Variants in GLP1R observed in about 807,000 individuals in gnomAD.
GLP1R encodes glucagon like peptide 1 receptor.
In GLP1R, 32 loss-of-function variants were observed where a neutral mutation model predicts 68.4. The ratio of observed to expected loss-of-function variants is 0.47; its 90% CI spans 0.35 to 0.63. The LOEUF is 0.63. GLP1R is among the 20% of genes least tolerant of loss of function. GLP1R has a pLI of 0.00. For missense variants in GLP1R, 502 were observed against 594.9 expected (o/e 0.84, Z 1.62); for synonymous variants, 263 against 244.4 (o/e 1.08, Z -0.71).
intron 12 of GLP1R, among the ~76,000 whole-genome samples, chr6:39,083,418 T>C (rs540314687): frequency 2.8e-4 from 42 of 152,318 alleles, no homozygotes; most frequent in Non-Finnish European, 1.5e-4. Context: ...GCCAGGTACT[T>C]GTGACCTGAG....
intron 7 of GLP1R, among the ~76,000 whole-genome samples, chr6:39,075,375 C>T (rs560605579): frequency 2.0e-5 from 3 of 152,236 alleles, no homozygotes; most frequent in East Asian, 3.9e-4. Context: ...GAAATAGCAT[C>T]AGCGCTGTTA....
At chr6:39,056,733 C>G (rs940413078) in intron 2 of GLP1R, among the ~76,000 whole-genome samples, 1 of 152,228 alleles carries the variant, frequency 6.6e-6, no homozygotes, top group African/African-American at 2.4e-5. Context: ...AAAATCTTCC[C>G]CAGGACTTCT....
chr6:39,073,622 T>G lies in GLP1R; in HGVS notation c.676T>G (p.Cys226Gly). ...CCTCTACCCCCAGGACTCTCTGAGC[T>G]GCCGCCTGGTGTTTCTGCTCATGCA... ...GLLSYQDSLS[C>G]RLVFLLMQYC... The change falls in exon 7 of 13, where the codon TGC becomes GGC. Residue 226 changes from cysteine to glycine, a missense_variant. Cys to Gly is a radical substitution (Grantham distance 159). Transcript: ENST00000373256. The G allele has an allele frequency of 6.2e-7, 1 of 1,613,942 alleles. No individual in the cohort carries two copies. Among genetic ancestry groups the G allele is most frequent in the Non-Finnish European group, 8.5e-7 (1 of 1,179,914 alleles).
rs202144978 is a variant in GLP1R, at chr6:39,079,096, C to T, written c.955-16C>T. On this transcript the variant is annotated splice_polypyrimidine_tract_variant and intron_variant, in intron 9 of 12. Transcript: ENST00000373256. This position sits in a 1 kb window ranked among gnomAD's most constrained non-coding sequence, Gnocchi z 4.5. ...TGGGCTGGTGCCCCCTGCCAATCCC[C>T]GGCCCCACCCCGCAGGTGAACTTCC... The T allele has an allele frequency of 1.1e-3, 1,819 of 1,612,532 alleles. 2 individuals are homozygous for T. Among genetic ancestry groups the T allele is most frequent in the Middle Eastern group, 2.1e-3 (13 of 6,058 alleles).
chr6:39,085,227 T>G (rs1562020539), intron 12 of GLP1R, among the ~76,000 whole-genome samples: 1 of 152,200 alleles, frequency 6.6e-6, no homozygotes, highest in Non-Finnish European at 1.5e-5. Flanking sequence ...GAGAGGCTTT[T>G]CCTGATGGGG....
At chr6:39,069,595 G>T (rs2150829980) in intron 5 of GLP1R, among the ~76,000 whole-genome samples, 1 of 149,594 alleles carries the variant, frequency 6.7e-6, no homozygotes, top group East Asian at 2.0e-4. Context: ...CAGAGATCGT[G>T]CCACTGCACT....
At chr6:39,064,525 G>C (rs874899) in intron 3 of GLP1R, among the ~76,000 whole-genome samples, 9,488 of 151,932 alleles carry the variant, frequency 0.062, 1,008 homozygotes, top group African/African-American at 0.22. Context: ...TCTTCCTACA[G>C]GTCAATATCC....
intron 11 of GLP1R, 131 bp from the exon 12 acceptor site, chr6:39,080,567 G>A: frequency 1.6e-6 from 1 of 611,826 alleles, no homozygotes; most frequent in South Asian, 2.2e-5. Flanking sequence ...CCCCATTCCT[G>A]GATCTGCCTG....
At position 39,078,283 on chromosome 6, in the gene GLP1R, G is replaced by A. The variant is rs765740027; in HGVS notation, c.824-39G>A. ...GGCATGTAGACTGTGGCTCTGGCCTGCCAGCCCCTCTCCCCTTCTGTCTTT... is the reference window on the plus strand; with the variant it reads ...GGCATGTAGACTGTGGCTCTGGCCTACCAGCCCCTCTCCCCTTCTGTCTTT... On this transcript the variant is annotated intron_variant, in intron 7 of 12. Coordinates refer to ENST00000373256, the MANE Select transcript of GLP1R (RefSeq NM_002062.5). 3.3e-6 allele frequency: 5 copies of A among 1,501,024 alleles called. No individual in the cohort carries two copies. The East Asian group carries it at 1.1e-4, about 34-fold the overall frequency. 93.0% of individuals were successfully genotyped at this position (1,501,024 alleles called of 1,614,324 possible).
At chr6:39,056,932 G>A (rs1193361549) in intron 2 of GLP1R, among the ~76,000 whole-genome samples, 2 of 152,180 alleles carry the variant, frequency 1.3e-5, no homozygotes, top group South Asian at 2.1e-4. Flanking sequence ...CATGGACTGA[G>A]GGCTCCACAA....
At chr6:39,073,166 G>A (rs2150832277) in intron 6 of GLP1R, 151 bp downstream of exon 6, 3 of 691,362 alleles carry the variant, frequency 4.3e-6, no homozygotes, top group Non-Finnish European at 7.2e-6. Context: ...GAGGCAGTTC[G>A]CCTTGGGACC....
In GLP1R at chr6:39,073,839, T is replaced by C. The variant is rs577867334; in HGVS notation, c.823+70T>C. 2.7e-5 allele frequency: 39 copies of C among 1,425,068 alleles called. No homozygotes were observed. The African/African-American group carries it at 2.8e-4, about 10-fold the overall frequency. 88.3% of individuals were successfully genotyped at this position (1,425,068 alleles called of 1,614,324 possible). ...GGAGACCTTGACCCCTCTTCTAACATGGTACTTGGAACGCACTGCTGAGCA... is the reference window on the plus strand; with the variant it reads ...GGAGACCTTGACCCCTCTTCTAACACGGTACTTGGAACGCACTGCTGAGCA... On this transcript the variant is annotated intron_variant, in intron 7 of 12. Transcript: ENST00000373256.
chr6:39,075,382 G>T (rs1291876002), intron 7 of GLP1R, among the ~76,000 whole-genome samples: 1 of 152,220 alleles, frequency 6.6e-6, no homozygotes, highest in Non-Finnish European at 1.5e-5. Context: ...CATCAGCGCT[G>T]TTAGTGCCTG....
intron 5 of GLP1R, among the ~76,000 whole-genome samples, chr6:39,067,378 A>C (rs1315437243): frequency 1.3e-5 from 2 of 152,234 alleles, no homozygotes; most frequent in Non-Finnish European, 2.9e-5. Context: ...AAGGCTGTGA[A>C]GTCCAAGATC....
At chr6:39,066,690 CT>C (rs1768529261) in intron 5 of GLP1R, among the ~76,000 whole-genome samples, 1 of 152,188 alleles carries the variant, frequency 6.6e-6, no homozygotes, top group South Asian at 2.1e-4. Flanking sequence ...GATTAGAGAT[CT>C]TCCTCCCTTT....
At chr6:39,056,961 A>G (rs1768228749) in intron 2 of GLP1R, among the ~76,000 whole-genome samples, 1 of 152,198 alleles carries the variant, frequency 6.6e-6, no homozygotes, top group East Asian at 1.9e-4. Context: ...ATAGGAATAA[A>G]TGTTTCAGGG....
chr6:39,083,534 G>T (rs572654486), intron 12 of GLP1R, among the ~76,000 whole-genome samples: 48 of 152,334 alleles, frequency 3.2e-4, no homozygotes, highest in Non-Finnish European at 5.4e-4. Flanking sequence ...AGGTGGTTTT[G>T]CTGTAGCTTG....
At chr6:39,065,904 T>TTGGTGG in intron 4 of GLP1R, 75 bp downstream of exon 4, 1 of 858,108 alleles carries the variant, frequency 1.2e-6, no homozygotes, top group African/African-American at 1.6e-5. Context: ...CAAAGACCCT[T>TTGGTGG]GGCTTTGATG....
At chr6:39,078,749 CTG>C (rs989675315) in intron 8 of GLP1R, among the ~76,000 whole-genome samples, 1 of 152,082 alleles carries the variant, frequency 6.6e-6, no homozygotes, top group Non-Finnish European at 1.5e-5. Context: ...CTGTGTATGA[CTG>C]TGTATTTGGA....
Sources: allele counts gnomAD v4.1 joint callset (sites outside exome capture counted in the v4.1 genomes callset), GRCh38; gene constraint gnomAD v4.1.1; non-coding constraint Gnocchi (gnomAD v3.1); transcripts MANE v1.5; gene names NCBI Gene and HGNC (gene_info 2026-07-23, HGNC 2026-07-21).